Variants in GARNL3 observed in about 807,000 individuals in gnomAD.
GARNL3 encodes GTPase-activating Rap/Ran-GAP domain-like protein 3.
A neutral mutation model predicts 125.0 loss-of-function variants in GARNL3; 63 were observed. That is an observed-to-expected ratio of 0.50 (90% CI 0.41 to 0.62). The LOEUF (loss-of-function observed/expected upper bound fraction) is 0.62, where lower values mean the gene tolerates loss of function less well. Among genes scored for constraint, GARNL3 ranks in the 20% least tolerant of loss-of-function variants. GARNL3 has a pLI of 0.00. For missense variants in GARNL3, 994 were observed against 1,244.0 expected (o/e 0.80, Z 3.02); for synonymous variants, 439 against 457.5 (o/e 0.96, Z 0.52).
intron 26 of GARNL3, among the ~76,000 whole-genome samples, chr9:127,389,921 TA>T (rs1169168184): frequency 0.095 from 7,436 of 78,662 alleles, 257 homozygotes; most frequent in Middle Eastern, 0.16. Context: ...ACCCTGTCTT[TA>T]AAAAAAAAAA....
At chr9:127,263,684 G>A (rs2063640703), upstream of GARNL3, 1 of 1,111,466 alleles carries the variant, frequency 9.0e-7, no homozygotes, top group African/African-American at 1.6e-5. Context: ...AATGTAGCCT[G>A]GGTAATATCT....
In GARNL3 at chr9:127,387,842, TAATA is replaced by T. The variant is rs1056055994; in HGVS notation, c.2527+526_2527+529del. On this transcript the variant is annotated intron_variant, in intron 25 of 27. Transcript: ENST00000373387. ...CAACGACAAAACTCCATTATAAAAATAATAAATAAATAAATAAACTGGGCTAGGC... is the reference window on the plus strand; with the variant it reads ...CAACGACAAAACTCCATTATAAAAATAATAAATAAATAAACTGGGCTAGGC... 5.3e-5 allele frequency among the ~76,000 whole-genome samples: 8 copies of T among 149,784 alleles called. No homozygotes were observed. The South Asian group carries it at 1.3e-3, about 24-fold the overall frequency.
intron 1 of GARNL3, among the ~76,000 whole-genome samples, chr9:127,281,851 G>C (rs187559838): frequency 6.6e-6 from 1 of 152,330 alleles, no homozygotes; most frequent in Admixed American, 6.5e-5. Flanking sequence ...GTCTGTGTCT[G>C]TGTCTGTCTG....
At chr9:127,333,168 G>A (rs753956122) in intron 9 of GARNL3, 47 bp downstream of exon 9, 1 of 1,477,094 alleles carries the variant, frequency 6.8e-7, no homozygotes, top group Non-Finnish European at 9.5e-7. Flanking sequence ...TATAACTTTT[G>A]TAAGTCAGCC....
upstream of GARNL3, among the ~76,000 whole-genome samples, chr9:127,259,916 C>T (rs1394337676): frequency 6.6e-6 from 1 of 152,040 alleles, no homozygotes; most frequent in African/African-American, 2.4e-5. Context: ...GCATGTAGTC[C>T]CATCTACTCA....
intron 2 of GARNL3, among the ~76,000 whole-genome samples, chr9:127,253,573 G>A (rs1304045579): frequency 6.6e-6 from 1 of 152,154 alleles, no homozygotes; most frequent in East Asian, 1.9e-4. Context: ...GGGAGGGAGA[G>A]TCAGGAAGAA....
chr9:127,392,746 C>T lies in GARNL3; in HGVS notation c.2871-337C>T, dbSNP rs548536292. Among the ~76,000 whole-genome samples the T allele has an allele frequency of 1.1e-4, 16 of 152,340 alleles. No individual in the cohort carries two copies. The highest frequency in any genetic ancestry group is 2.1e-4 in the South Asian group (1 of 4,830). On this transcript the variant is annotated intron_variant, in intron 27 of 27. Coordinates refer to ENST00000373387, the MANE Select transcript of GARNL3 (RefSeq NM_032293.5). The surrounding 1 kb of genome is among the most constrained non-coding windows in gnomAD (Gnocchi z 5.2). ...GCTGGAGGGATCACAGGCCTAGTCC[C>T]GGAACCTTGGCTATGAGTTTCAGCC...
chr9:127,230,956 A>T (rs533916730), intron 1 of GARNL3, among the ~76,000 whole-genome samples: 1 of 134,688 alleles, frequency 7.4e-6, no homozygotes, highest in African/African-American at 3.5e-5. Context: ...CAGGCAAACG[A>T]TATATATGTG....
Position 127,264,901 on chromosome 9 carries a change from GT to G in GARNL3, c.27del (p.Phe9LeufsTer8). The G allele has an allele frequency of 6.3e-7, 1 of 1,595,844 alleles. No homozygotes were observed. The highest frequency in any genetic ancestry group is 8.6e-7 in the Non-Finnish European group (1 of 1,169,416). On this transcript the variant is annotated frameshift_variant, in exon 1 of 28. Transcript: ENST00000373387. LOFTEE classifies it high-confidence loss of function. ...AAATGGTAGTTGATTTTTGCAGAAG[GT>G]TTGTGGCCAGATCGCTATGTATAAT... Reference protein sequence around the residue: MVVDFCRRFVARSLCIILM... With the variant: MVVDFCRRXVARSLCIILM...
intron 1 of GARNL3, among the ~76,000 whole-genome samples, chr9:127,282,811 C>A (rs1490800216): frequency 6.6e-6 from 1 of 151,996 alleles, no homozygotes; most frequent in African/African-American, 2.4e-5. Context: ...TGAAACAAAG[C>A]AGTAAAATAA....
chr9:127,257,379 T>C (rs2063511756), intron 2 of GARNL3, among the ~76,000 whole-genome samples: 2 of 152,376 alleles, frequency 1.3e-5, no homozygotes, highest in Admixed American at 6.5e-5. Flanking sequence ...CTTAAAATTT[T>C]ATAGTCCCAC....
At position 127,288,087 on chromosome 9, in the gene GARNL3, C is replaced by G. The variant is rs139789253; in HGVS notation, c.145-3081C>G. The stretch of plus-strand genomic sequence containing the variant: ...GAGAACAAGTAAATGTAGTTGCTGT[C>G]TTTTGAAGTTTGCTGGAGAGCGGAG... On this transcript the variant is annotated intron_variant, in intron 1 of 27. Transcript: ENST00000373387. Among the ~76,000 whole-genome samples, 31 of 152,282 alleles carry G rather than the reference C, an allele frequency of 2.0e-4. No individual in the cohort carries two copies. The East Asian group carries it at 5.8e-3, about 28-fold the overall frequency.
At chr9:127,250,169 C>T (rs1256418648) in intron 2 of GARNL3, among the ~76,000 whole-genome samples, 1 of 152,034 alleles carries the variant, frequency 6.6e-6, no homozygotes, top group African/African-American at 2.4e-5. Flanking sequence ...TAAATACATA[C>T]AATACCTCTG....
intron 1 of GARNL3, among the ~76,000 whole-genome samples, chr9:127,229,033 A>G (rs537026537): frequency 7.2e-4 from 110 of 152,310 alleles, no homozygotes; most frequent in African/African-American, 2.6e-3. Context: ...CATGATGGCC[A>G]GGCTGGTCTC....
Position 127,303,015 on chromosome 9 carries a change from G to A in GARNL3, c.220-8621G>A, listed in dbSNP as rs111345786. 3.1e-3 allele frequency among the ~76,000 whole-genome samples: 475 copies of A among 152,246 alleles called. 3 individuals are homozygous for A. Among genetic ancestry groups the A allele is most frequent in the African/African-American group, 0.011 (454 of 41,534 alleles). The stretch of plus-strand genomic sequence containing the variant: ...AAATAGAAAAAATTAGCCAGGCGTG[G>A]TAGTGGGTGCCTGTAGTCCCAGCTA... On this transcript the variant is annotated intron_variant, in intron 2 of 27. Coordinates refer to ENST00000373387, the MANE Select transcript of GARNL3 (RefSeq NM_032293.5).
chr9:127,356,216 G>A (rs574283768), intron 20 of GARNL3, among the ~76,000 whole-genome samples: 2 of 152,320 alleles, frequency 1.3e-5, no homozygotes, highest in South Asian at 2.1e-4. Context: ...GGCCAAGGGT[G>A]GAAATAAGAA....
intron 24 of GARNL3, 43 bp from the exon 25 acceptor site, chr9:127,387,150 T>G (rs755459376): frequency 2.1e-5 from 34 of 1,591,908 alleles, no homozygotes; most frequent in Non-Finnish European, 2.8e-5. Context: ...ATGCAAGGCC[T>G]AGAACACCAG....
chr9:127,288,102 GGAGAGCGGA>G (rs1433431770), intron 1 of GARNL3, among the ~76,000 whole-genome samples: 1 of 152,188 alleles, frequency 6.6e-6, no homozygotes, highest in Non-Finnish European at 1.5e-5. Context: ...GAAGTTTGCT[GGAGAGCGGA>G]GAGAGCGCCT....
chr9:127,239,489 T>C (rs60081923), intron 1 of GARNL3, among the ~76,000 whole-genome samples: 458 of 152,340 alleles, frequency 3.0e-3, no homozygotes, highest in African/African-American at 0.01. Flanking sequence ...CTTAATCATA[T>C]GTAGCAGATC....
Sources: allele counts gnomAD v4.1 joint callset (sites outside exome capture counted in the v4.1 genomes callset), GRCh38; gene constraint gnomAD v4.1.1; non-coding constraint Gnocchi (gnomAD v3.1); transcripts MANE v1.5; gene names NCBI Gene and HGNC (gene_info 2026-07-23, HGNC 2026-07-21).